CTNNA3: variants seen among roughly 807,000 people sequenced by gnomAD.
CTNNA3 encodes catenin alpha 3, also known as catenin alpha-3.
A neutral mutation model predicts 95.7 loss-of-function variants in CTNNA3; 76 were observed. The observed-to-expected ratio is 0.79, with a 90% CI of 0.66 to 0.96. The LOEUF is 0.96. Ranked by LOEUF, CTNNA3 falls within the 40% of genes least tolerant of loss-of-function variation. CTNNA3 has a pLI of 0.00. For synonymous variants in CTNNA3, 431 were observed against 374.4 expected, an observed-to-expected ratio of 1.15 and a Z score of -1.74; for missense variants, 1,191 against 1,089.8, an observed-to-expected ratio of 1.09 and a Z score of -1.31.
chr10:66,964,111 A>C (rs1849272353), intron 7 of CTNNA3, among the ~76,000 whole-genome samples: 1 of 151,934 alleles, frequency 6.6e-6, no homozygotes, highest in Non-Finnish European at 1.5e-5. Flanking sequence ...CAGCCTCCCA[A>C]AGTGCTGGGA....
At chr10:66,776,021 T>C (rs922240406) in intron 7 of CTNNA3, among the ~76,000 whole-genome samples, 1 of 152,198 alleles carries the variant, frequency 6.6e-6, no homozygotes, top group African/African-American at 2.4e-5. Flanking sequence ...CAATTTTAGC[T>C]GACAATATTC....
At chr10:66,928,398 G>C in intron 7 of CTNNA3, 1 of 1,614,134 alleles carries the variant, frequency 6.2e-7, no homozygotes, top group South Asian at 1.1e-5. Flanking sequence ...GCGAGATGCT[G>C]CTGAATGGGA....
rs1015601729 is a variant in CTNNA3 at position 66,615,846 on chromosome 10, C to G, written c.1374+5846G>C. Among the ~76,000 whole-genome samples the G allele has an allele frequency of 2.3e-4, 35 of 152,016 alleles. 1 individual carries two copies. Among genetic ancestry groups the G allele is most frequent in the Non-Finnish European group, 3.7e-4 (25 of 67,950 alleles). Reference sequence around the variant, plus strand: ...TGATGTGCAATCGTTTCACTATATGCTCGTGCAATAGGTTGTATTTAAGCT... The same window carrying G: ...TGATGTGCAATCGTTTCACTATATGGTCGTGCAATAGGTTGTATTTAAGCT... On this transcript the variant is annotated intron_variant, in intron 10 of 17. Transcript: ENST00000433211.
chr10:67,226,915 G>C (rs182625560), intron 5 of CTNNA3, among the ~76,000 whole-genome samples: 1 of 152,230 alleles, frequency 6.6e-6, no homozygotes, highest in African/African-American at 2.4e-5. Context: ...AATGTAAATG[G>C]CTTAAATGCT....
At chr10:67,630,318 T>A (rs953838089) in intron 2 of CTNNA3, among the ~76,000 whole-genome samples, 1 of 152,242 alleles carries the variant, frequency 6.6e-6, no homozygotes, top group Non-Finnish European at 1.5e-5. Context: ...AATAGAGGAT[T>A]GACATATGTC....
At chr10:66,209,303 A>C (rs2087970515) in intron 13 of CTNNA3, among the ~76,000 whole-genome samples, 2 of 152,168 alleles carry the variant, frequency 1.3e-5, no homozygotes, top group Admixed American at 1.3e-4. Context: ...TGAAGCTTAC[A>C]CTCTAGTGAG....
chr10:67,407,736 A>C (rs1354920160), intron 5 of CTNNA3, among the ~76,000 whole-genome samples: 1 of 152,194 alleles, frequency 6.6e-6, no homozygotes, highest in Non-Finnish European at 1.5e-5. Context: ...TACAAAAATC[A>C]ATGTGCGAAA....
chr10:66,829,550 T>A (rs1385072868), intron 7 of CTNNA3, among the ~76,000 whole-genome samples: 1 of 151,550 alleles, frequency 6.6e-6, no homozygotes, highest in African/African-American at 2.4e-5. Flanking sequence ...GAGGCAGAGG[T>A]TGCAGGGAGC....
At chr10:66,046,077 T>C (rs187965273) in intron 15 of CTNNA3, among the ~76,000 whole-genome samples, 1 of 152,040 alleles carries the variant, frequency 6.6e-6, no homozygotes, top group Admixed American at 6.6e-5. Flanking sequence ...CACTGGATGA[T>C]TACAACTAAT....
intron 7 of CTNNA3, among the ~76,000 whole-genome samples, chr10:67,064,182 A>G (rs951405096): frequency 2.6e-5 from 4 of 152,110 alleles, no homozygotes; most frequent in Non-Finnish European, 5.9e-5. Flanking sequence ...ATCTTACATC[A>G]TTAGAACATT....
chr10:66,702,007 C>A (rs1847959572), intron 9 of CTNNA3, among the ~76,000 whole-genome samples: 1 of 152,044 alleles, frequency 6.6e-6, no homozygotes, highest in South Asian at 2.1e-4. Flanking sequence ...CCCATATGAG[C>A]CATCTGTGGT....
Position 67,667,095 on chromosome 10 carries a change from C to A in CTNNA3, c.-5-19577G>T, listed in dbSNP as rs552094159. On this transcript the variant is annotated intron_variant, in intron 1 of 17. Coordinates refer to ENST00000433211, the MANE Select transcript of CTNNA3 (RefSeq NM_013266.4). Reference sequence around the variant, plus strand: ...CTTCAAAATTATATGACATTTGTAACCTCTTTAACTCCCTGTTTAATATTT... The same window carrying A: ...CTTCAAAATTATATGACATTTGTAAACTCTTTAACTCCCTGTTTAATATTT... 5.3e-4 allele frequency among the ~76,000 whole-genome samples: 80 copies of A among 152,194 alleles called. 1 individual carries two copies. The South Asian group carries it at 0.016, about 31-fold the overall frequency.
intron 7 of CTNNA3, among the ~76,000 whole-genome samples, chr10:67,062,578 C>T (rs1855824057): frequency 6.6e-6 from 1 of 152,058 alleles, no homozygotes; most frequent in Non-Finnish European, 1.5e-5. Context: ...ACTTAGAACA[C>T]AAAATATAAA....
chr10:66,278,645 A>G (rs1345960624), intron 13 of CTNNA3, among the ~76,000 whole-genome samples: 2 of 151,712 alleles, frequency 1.3e-5, no homozygotes, highest in East Asian at 1.9e-4. Flanking sequence ...ATACTGGAAC[A>G]TCTAACTGGG....
At chr10:65,984,087 T>C (rs1006009365) in intron 16 of CTNNA3, among the ~76,000 whole-genome samples, 3 of 151,294 alleles carry the variant, frequency 2.0e-5, no homozygotes, top group Admixed American at 2.0e-4. Context: ...CTAATGTTAG[T>C]TGGAATGGAT....
chr10:65,964,725 C>T (rs919960208), intron 17 of CTNNA3, among the ~76,000 whole-genome samples: 1 of 151,934 alleles, frequency 6.6e-6, no homozygotes, highest in Middle Eastern at 3.2e-3. Context: ...GTGAAAATGA[C>T]AAAAGTAAAT....
chr10:66,044,599 A>G (rs2079786666), intron 15 of CTNNA3, among the ~76,000 whole-genome samples: 1 of 152,022 alleles, frequency 6.6e-6, no homozygotes, highest in African/African-American at 2.4e-5. Flanking sequence ...TTTGGCCAAA[A>G]TGTTTTTATC....
intron 5 of CTNNA3, among the ~76,000 whole-genome samples, chr10:67,496,886 A>G (rs1839040498): frequency 6.6e-6 from 1 of 152,122 alleles, no homozygotes; most frequent in African/African-American, 2.4e-5. Flanking sequence ...ACCTTCTATA[A>G]GCTATCTTAA....
intron 11 of CTNNA3, among the ~76,000 whole-genome samples, chr10:66,380,940 A>G (rs1484715183): frequency 1.3e-5 from 2 of 151,522 alleles, no homozygotes; most frequent in Non-Finnish European, 2.9e-5. Flanking sequence ...TTAGACTCCC[A>G]CACAATAATA....
Sources: allele counts gnomAD v4.1 joint callset (sites outside exome capture counted in the v4.1 genomes callset), GRCh38; gene constraint gnomAD v4.1.1; transcripts MANE v1.5; gene names NCBI Gene and HGNC (gene_info 2026-07-23, HGNC 2026-07-21).